ASPH: variants seen among roughly 807,000 people sequenced by gnomAD.
The protein encoded by ASPH is aspartate beta-hydroxylase.
ASPH carries 100 observed loss-of-function variants against 118.4 expected under a neutral mutation model. The observed-to-expected ratio is 0.84, with a 90% CI of 0.72 to 1.00. The LOEUF is 1.00. Ranked by LOEUF, ASPH falls within the 50% of genes least tolerant of loss-of-function variation. The pLI, the probability that ASPH is intolerant of heterozygous loss-of-function variation, is 0.00. For missense variants in ASPH, 920 were observed against 919.5 expected, an observed-to-expected ratio of 1.00 and a Z score of -0.01; for synonymous variants, 315 against 325.6, an observed-to-expected ratio of 0.97 and a Z score of 0.35.
intron 3 of ASPH, chr8:61,675,742 T>A (rs1824946540): frequency 1.9e-6 from 2 of 1,077,846 alleles, no homozygotes; most frequent in Admixed American, 9.5e-5. Flanking sequence ...ACAACACAAT[T>A]TGCTGTTAAG....
At chr8:61,541,614 T>G (rs1822006698) in intron 21 of ASPH, among the ~76,000 whole-genome samples, 1 of 152,220 alleles carries the variant, frequency 6.6e-6, no homozygotes. Flanking sequence ...ACTCTGGGTT[T>G]CTGCACACAG....
At chr8:61,693,300 C>G (rs575048470) in intron 1 of ASPH, among the ~76,000 whole-genome samples, 75 of 152,188 alleles carry the variant, frequency 4.9e-4, no homozygotes, top group Non-Finnish European at 9.3e-4. Context: ...TCATGTTCCT[C>G]TTCACACCTT....
chr8:61,547,507 G>T (rs565946162), intron 21 of ASPH, among the ~76,000 whole-genome samples: 1 of 152,218 alleles, frequency 6.6e-6, no homozygotes. Flanking sequence ...GCACACAGTA[G>T]AGTTTTCCAG....
chr8:61,663,508 A>C (rs1817975091), intron 3 of ASPH: 2 of 985,278 alleles, frequency 2.0e-6, no homozygotes, highest in South Asian at 9.4e-5. Flanking sequence ...AGACTTAGGA[A>C]GTGAGCTAAG....
chr8:61,561,922 G>A (rs549248146), intron 18 of ASPH, among the ~76,000 whole-genome samples: 6 of 152,270 alleles, frequency 3.9e-5, no homozygotes, highest in East Asian at 1.9e-4. Context: ...GTGAGACCAC[G>A]TGTCAAAAAC....
At chr8:61,706,648 T>A (rs4377960) in intron 1 of ASPH, among the ~76,000 whole-genome samples, 1 of 151,902 alleles carries the variant, frequency 6.6e-6, no homozygotes, top group Non-Finnish European at 1.5e-5. Flanking sequence ...TGAACATATT[T>A]GATAAGCAGA....
chr8:61,608,512 A>AT (rs1018536195), intron 14 of ASPH, among the ~76,000 whole-genome samples: 1 of 152,068 alleles, frequency 6.6e-6, no homozygotes, highest in African/African-American at 2.4e-5. Flanking sequence ...TAAACTTAAA[A>AT]TTTTTTTTCA....
intron 12 of ASPH, among the ~76,000 whole-genome samples, chr8:61,634,517 GAC>G (rs1856923419): frequency 6.6e-6 from 1 of 152,136 alleles, no homozygotes; most frequent in African/African-American, 2.4e-5. Context: ...TATAAAAAAT[GAC>G]ACATGCTCAA....
At chr8:61,522,043 T>A (rs992114831) in intron 22 of ASPH, among the ~76,000 whole-genome samples, 1 of 152,172 alleles carries the variant, frequency 6.6e-6, no homozygotes, top group Non-Finnish European at 1.5e-5. Flanking sequence ...AAGAAAAAAA[T>A]GACTGCACAT....
chr8:61,571,949 A>G (rs1173873394), intron 16 of ASPH, among the ~76,000 whole-genome samples: 1 of 152,210 alleles, frequency 6.6e-6, no homozygotes, highest in African/African-American at 2.4e-5. Flanking sequence ...TTACTGACCA[A>G]ACTAATTTAT....
At chr8:61,670,479 G>A (rs1304651302) in intron 3 of ASPH, among the ~76,000 whole-genome samples, 2 of 151,700 alleles carry the variant, frequency 1.3e-5, no homozygotes, top group Non-Finnish European at 2.9e-5. Flanking sequence ...AAACATAGGT[G>A]GAAGGAAAGG....
Position 61,704,498 on chromosome 8 carries a change from A to G in ASPH, c.103+9771T>C, listed in dbSNP as rs186342462. ...AATGTGCAGTTTCTTAGAACACAGAAAGCAAAAACAGAAAAGAAAAAATAA... is the reference window on the plus strand; with the variant it reads ...AATGTGCAGTTTCTTAGAACACAGAGAGCAAAAACAGAAAAGAAAAAATAA... On this transcript the variant is annotated intron_variant, in intron 1 of 24. Coordinates refer to ENST00000379454, the MANE Select transcript of ASPH (RefSeq NM_004318.4). 9.9e-5 allele frequency among the ~76,000 whole-genome samples: 15 copies of G among 152,108 alleles called. No homozygotes were observed. The East Asian group carries it at 2.9e-3, about 29-fold the overall frequency.
rs114964365 is a variant in ASPH at position 61,638,335 on chromosome 8, C to A, written c.819G>T (p.Gly273=). 1.1e-3 allele frequency: 1,721 copies of A among 1,597,984 alleles called. 18 individuals are homozygous for A. The African/African-American group carries it at 0.019, about 18-fold the overall frequency. The change falls in exon 11 of 25, where the codon GGG becomes GGT. Residue 273 remains glycine (G), a synonymous_variant. Transcript: ENST00000379454. The part of the protein sequence containing the change: ...QAVYEPLENE[G]IEITEVTAPP... ...GAAAAAACTTACCTGTGATTTCTAT[C>A]CCTTCATTTTCTAGAGGTTCATATA...
intron 10 of ASPH, among the ~76,000 whole-genome samples, chr8:61,638,941 C>G (rs1340139275): frequency 6.6e-6 from 1 of 152,184 alleles, no homozygotes; most frequent in Non-Finnish European, 1.5e-5. Flanking sequence ...CAAAATACCT[C>G]CAATTTTCTG....
intron 19 of ASPH, 115 bp from the exon 20 acceptor site, chr8:61,553,235 A>G (rs748695443): frequency 2.7e-6 from 2 of 747,898 alleles, no homozygotes; most frequent in Non-Finnish European, 4.4e-6. Context: ...CCAGAAAAAT[A>G]TATCTCCATA....
intron 13 of ASPH, among the ~76,000 whole-genome samples, chr8:61,627,939 C>T (rs1853664284): frequency 6.6e-6 from 1 of 152,044 alleles, no homozygotes; most frequent in African/African-American, 2.4e-5. Context: ...ACTCCTCTCC[C>T]TCCCCCATCA....
chr8:61,611,029 A>T (rs1847173148), intron 14 of ASPH, among the ~76,000 whole-genome samples: 3 of 152,192 alleles, frequency 2.0e-5, no homozygotes, highest in Non-Finnish European at 4.4e-5. Flanking sequence ...GAATGAATAA[A>T]TTTTTAAAGG....
intron 6 of ASPH, 143 bp downstream of exon 6, chr8:61,646,607 G>A (rs554749431): frequency 1.2e-6 from 1 of 850,646 alleles, no homozygotes; most frequent in African/African-American, 1.8e-5. Context: ...GAAAAAATTT[G>A]CTTTAATTGA....
chr8:61,626,266 T>G (rs768680046), intron 13 of ASPH: 1 of 1,565,436 alleles, frequency 6.4e-7, no homozygotes. Context: ...GCAGTCTTTT[T>G]GAAGCTTTAA....
Sources: gnomAD v4.1 joint callset for allele counts (sites outside exome capture counted in the v4.1 genomes callset) on GRCh38, gnomAD v4.1.1 for gene constraint, MANE v1.5 for transcripts, NCBI Gene and HGNC (gene_info 2026-07-23, HGNC 2026-07-21) for gene names.